Variants in GIGYF2 observed in about 807,000 individuals in gnomAD.
GIGYF2 encodes GRB10-interacting GYF protein 2.
In GIGYF2, 25 loss-of-function variants were observed where a neutral mutation model predicts 208.1. The observed-to-expected ratio is 0.12, with a 90% CI of 0.09 to 0.17. The LOEUF is 0.17. GIGYF2 is among the 10% of genes least tolerant of loss of function. The pLI is 1.00. For synonymous variants in GIGYF2, 534 were observed against 543.8 expected (o/e 0.98, Z 0.25); for missense variants, 1,302 against 1,579.4 (o/e 0.82, Z 2.98).
intron 6 of GIGYF2, among the ~76,000 whole-genome samples, chr2:232,759,473 A>G (rs1225628345): frequency 6.6e-6 from 1 of 152,114 alleles, no homozygotes; most frequent in Non-Finnish European, 1.5e-5. Flanking sequence ...TCCAGACCTA[A>G]CAATTGGATA....
chr2:232,800,421 A>C (rs1402064647), intron 14 of GIGYF2, among the ~76,000 whole-genome samples: 1 of 152,106 alleles, frequency 6.6e-6, no homozygotes. Flanking sequence ...CCTTTTCAAA[A>C]TATTTGACCA....
At position 232,748,990 on chromosome 2, in the gene GIGYF2, C is replaced by T. The variant is rs1262558364; in HGVS notation, c.175C>T (p.Pro59Ser). ...LALFLKDNKI[P>S]SDLLDKEFLP... Reference sequence around the variant, plus strand: ...AATCATGTGTTTGGTCCTACAGATACCTTCAGACCTTCTGGATAAAGAATT... The same window carrying T: ...AATCATGTGTTTGGTCCTACAGATATCTTCAGACCTTCTGGATAAAGAATT... Residue 59 changes from proline to serine, a missense_variant, in exon 5 of 29, where the codon CCT (proline) becomes TCT (serine). Pro to Ser is a moderately conservative substitution (Grantham distance 74). Coordinates refer to ENST00000373563, the MANE Select transcript of GIGYF2 (RefSeq NM_001103146.3). 8.6e-6 allele frequency: 13 copies of T among 1,517,584 alleles called. No individual in the cohort carries two copies. The highest frequency in any genetic ancestry group is 4.1e-5 in the African/African-American group (3 of 73,068). 94.0% of individuals were successfully genotyped at this position (1,517,584 alleles called of 1,614,324 possible). A position where few individuals can be genotyped will look rare whatever the true frequency, so the allele number is the denominator to read the frequency against.
chr2:232,735,077 T>A, intron 2 of GIGYF2, 78 bp from the exon 3 acceptor site: 1 of 725,292 alleles, frequency 1.4e-6, no homozygotes, highest in Non-Finnish European at 2.5e-6. Flanking sequence ...AATAAAACAC[T>A]CTCTAACTGT....
chr2:232,837,540 C>T (rs1333695817), intron 22 of GIGYF2, among the ~76,000 whole-genome samples: 3 of 152,106 alleles, frequency 2.0e-5, no homozygotes, highest in Non-Finnish European at 4.4e-5. Flanking sequence ...CTGCAACCTC[C>T]GCCTCCTGAG....
At chr2:232,774,071 C>T (rs572516972) in intron 8 of GIGYF2, among the ~76,000 whole-genome samples, 5 of 150,756 alleles carry the variant, frequency 3.3e-5, no homozygotes, top group Non-Finnish European at 5.9e-5. Context: ...TGCTTGAGGT[C>T]GGGAATTCAA....
At chr2:232,704,443 C>T (rs1030151965) in intron 2 of GIGYF2, among the ~76,000 whole-genome samples, 8 of 152,088 alleles carry the variant, frequency 5.3e-5, no homozygotes, top group Admixed American at 4.6e-4. Context: ...CTTGCTCTGT[C>T]GCCTGGGCTG....
At chr2:232,807,203 T>C (rs1323241836) in intron 15 of GIGYF2, among the ~76,000 whole-genome samples, 2 of 152,078 alleles carry the variant, frequency 1.3e-5, no homozygotes, top group African/African-American at 2.4e-5. Flanking sequence ...CTTAAAAAAA[T>C]TAGTTACTGG....
intron 3 of GIGYF2, chr2:232,736,008 G>A: frequency 1.0e-6 from 1 of 981,062 alleles, no homozygotes; most frequent in South Asian, 4.7e-5. Flanking sequence ...GGTTGTTCAG[G>A]TGGGAGTGGT....
chr2:232,845,509 A>G (rs1701968139), intron 25 of GIGYF2, among the ~76,000 whole-genome samples: 1 of 152,210 alleles, frequency 6.6e-6, no homozygotes, highest in African/African-American at 2.4e-5. Flanking sequence ...CATTTTTTCT[A>G]AGTAGAACCC....
At chr2:232,771,431 G>T in intron 8 of GIGYF2, 1 of 1,217,662 alleles carries the variant, frequency 8.2e-7, no homozygotes. Context: ...GTTAATGTTT[G>T]TGAATTTGGA....
intron 15 of GIGYF2, among the ~76,000 whole-genome samples, chr2:232,807,437 C>T (rs1700593249): frequency 6.6e-6 from 1 of 152,138 alleles, no homozygotes; most frequent in Non-Finnish European, 1.5e-5. Flanking sequence ...ATGGGATGAT[C>T]ACTTGAGCCT....
At chr2:232,761,357 C>T (rs1337041020) in intron 7 of GIGYF2, 39 bp from the exon 8 acceptor site, 3 of 1,423,210 alleles carry the variant, frequency 2.1e-6, no homozygotes, top group Non-Finnish European at 3.0e-6. Context: ...ATCTATATCA[C>T]TGTGAGACTT....
At chr2:232,824,416 G>A (rs1041999589) in intron 21 of GIGYF2, among the ~76,000 whole-genome samples, 20 of 152,216 alleles carry the variant, frequency 1.3e-4, no homozygotes, top group Admixed American at 6.5e-5. Context: ...AAGCCAAACA[G>A]CCTTATTGCT....
chr2:232,744,278 A>C (rs1322429275), intron 3 of GIGYF2, among the ~76,000 whole-genome samples: 1 of 152,178 alleles, frequency 6.6e-6, no homozygotes, highest in Non-Finnish European at 1.5e-5. Context: ...CAATTGAAGA[A>C]ATTAGGAATG....
chr2:232,749,165 T>A (rs954688997), intron 5 of GIGYF2, 83 bp downstream of exon 5: 1 of 793,956 alleles, frequency 1.3e-6, no homozygotes, highest in Admixed American at 1.7e-5. Flanking sequence ...ATTTATGCTC[T>A]AAGGATTATC....
intron 3 of GIGYF2, among the ~76,000 whole-genome samples, chr2:232,742,756 G>A (rs1226058437): frequency 2.0e-5 from 3 of 152,152 alleles, no homozygotes; most frequent in Non-Finnish European, 4.4e-5. Context: ...TAGAAGGTGA[G>A]GAGTAAAGTA....
At chr2:232,724,483 A>G (rs931479525) in intron 2 of GIGYF2, 6 of 151,986 alleles carry the variant, frequency 3.9e-5, no homozygotes. Flanking sequence ...TCTTCAGATC[A>G]TCAATAAGTT....
At chr2:232,748,846 A>G (rs1698242608) in intron 4 of GIGYF2, 141 bp from the exon 5 acceptor site, 3 of 657,928 alleles carry the variant, frequency 4.6e-6, no homozygotes, top group Admixed American at 2.1e-5. Flanking sequence ...ATAGAAGTCA[A>G]TTATGGCTGA....
chr2:232,852,613 T>C (rs1388013208), intron 28 of GIGYF2, among the ~76,000 whole-genome samples: 1 of 152,086 alleles, frequency 6.6e-6, no homozygotes. Flanking sequence ...AACAAAGAAT[T>C]GGTGCCTGAA....
Sources: allele counts gnomAD v4.1 joint callset (sites outside exome capture counted in the v4.1 genomes callset), GRCh38; gene constraint gnomAD v4.1.1; transcripts MANE v1.5; gene names NCBI Gene and HGNC (gene_info 2026-07-23, HGNC 2026-07-21).